Variants in JAKMIP1 observed in about 807,000 individuals in gnomAD.
The protein encoded by JAKMIP1 is janus kinase and microtubule-interacting protein 1.
Under a neutral mutation model 113.0 loss-of-function variants are expected in JAKMIP1, and 33 were observed. The observed-to-expected ratio is 0.29, with a 90% CI of 0.22 to 0.39. The LOEUF (loss-of-function observed/expected upper bound fraction) is 0.39. Among genes scored for constraint, JAKMIP1 ranks in the 10% least tolerant of loss-of-function variants. The probability of loss-of-function intolerance (pLI) is 1.00; values close to 1 mark genes in which losing one functional copy is unlikely to be tolerated. For missense variants in JAKMIP1, 813 were observed against 1,080.5 expected, an observed-to-expected ratio of 0.75 and a Z score of 3.47; for synonymous variants, 480 against 459.9, an observed-to-expected ratio of 1.04 and a Z score of -0.56.
rs1725632870 is a variant in JAKMIP1, at chr4:6,178,383, G to A, written c.-148+21870C>T. On this transcript the variant is annotated intron_variant, in intron 1 of 20. Coordinates refer to ENST00000409021, the MANE Select transcript of JAKMIP1 (RefSeq NM_001099433.2). This position sits in a 1 kb window ranked among gnomAD's most constrained non-coding sequence, Gnocchi z 5.5. Reference sequence around the variant, plus strand: ...CTCTCGGGAGGTAATTGAATCATGGGGGCAGTTTACCCCATACTATTCTCA... The same window carrying A: ...CTCTCGGGAGGTAATTGAATCATGGAGGCAGTTTACCCCATACTATTCTCA... Among the ~76,000 whole-genome samples the A allele has an allele frequency of 6.6e-6, 1 of 152,150 alleles. No individual in the cohort carries two copies. Among genetic ancestry groups the A allele is most frequent in the Non-Finnish European group, 1.5e-5 (1 of 68,032 alleles).
chr4:6,075,812 C>T (rs1719618714), intron 8 of JAKMIP1, among the ~76,000 whole-genome samples: 1 of 152,232 alleles, frequency 6.6e-6, no homozygotes, highest in Non-Finnish European at 1.5e-5. Context: ...GCCTGTTGTA[C>T]AGGCAATGTA....
At chr4:6,126,694 C>G (rs943775693) in intron 1 of JAKMIP1, among the ~76,000 whole-genome samples, 1 of 146,868 alleles carries the variant, frequency 6.8e-6, no homozygotes, top group South Asian at 2.2e-4. Context: ...CATACACCAC[C>G]CACAAGCATG....
In JAKMIP1 at chr4:6,065,132, A is replaced by C; in HGVS notation, c.1303-124T>G. 8.3e-7 allele frequency: 1 copy of C among 1,203,862 alleles called. No individual in the cohort carries two copies. The highest frequency in any genetic ancestry group is 2.3e-5 in the East Asian group (1 of 42,694). 74.6% of individuals were successfully genotyped at this position (1,203,862 alleles called of 1,614,324 possible). ...GACATTTGGGCCACTGGGGCATCAC[A>C]AGATGCGGTTGGTGGGCTTCGTAAC... On this transcript the variant is annotated intron_variant, in intron 8 of 20. Coordinates refer to ENST00000409021, the MANE Select transcript of JAKMIP1 (RefSeq NM_001099433.2). This position sits in a 1 kb window ranked among gnomAD's most constrained non-coding sequence, Gnocchi z 5.1.
At position 6,192,521 on chromosome 4, in the gene JAKMIP1, C is replaced by T. The variant is rs1727388376; in HGVS notation, c.-148+7732G>A. Among the ~76,000 whole-genome samples, 1 of 152,172 alleles carries T rather than the reference C, an allele frequency of 6.6e-6. No individual in the cohort carries two copies. The highest frequency in any genetic ancestry group is 2.1e-4 in the South Asian group (1 of 4,812). On this transcript the variant is annotated intron_variant, in intron 1 of 20. Coordinates refer to ENST00000409021, the MANE Select transcript of JAKMIP1 (RefSeq NM_001099433.2). The surrounding 1 kb of genome is among the most constrained non-coding windows in gnomAD (Gnocchi z 5.0). ...TTTTGGTCTACATCCAAAACCAACCCCAAGAGATAGGGACATTCTCTTTAT... is the reference window on the plus strand; with the variant it reads ...TTTTGGTCTACATCCAAAACCAACCTCAAGAGATAGGGACATTCTCTTTAT...
chr4:6,141,764 A>G lies in JAKMIP1; in HGVS notation c.-147-28767T>C, dbSNP rs1044211127. ...TGGCCCCAGGACACTGATGCCGAGG[A>G]TGCTGACTGTCCACTCTTCGGCAAC... On this transcript the variant is annotated intron_variant, in intron 1 of 20. Transcript: ENST00000409021. This position sits in a 1 kb window ranked among gnomAD's most constrained non-coding sequence, Gnocchi z 9.4. Among the ~76,000 whole-genome samples the G allele has an allele frequency of 6.6e-6, 1 of 152,198 alleles. No homozygotes were observed. The highest frequency in any genetic ancestry group is 1.5e-5 in the Non-Finnish European group (1 of 68,040).
chr4:6,150,585 C>G lies in JAKMIP1; in HGVS notation c.-147-37588G>C, dbSNP rs541934631. 4.6e-5 allele frequency: 7 copies of G among 152,268 alleles called. No individual in the cohort carries two copies. Among genetic ancestry groups the G allele is most frequent in the Non-Finnish European group, 1.0e-4 (7 of 68,098 alleles). The allele number at this position is 152,268 out of a possible 1,614,324, so 9.4% of individuals were successfully genotyped here. The stretch of plus-strand genomic sequence containing the variant: ...CGGAGGCAGCTCCCACGGCGCTCAA[C>G]GGACTCCTGACCTTCATGAACAGAC... On this transcript the variant is annotated intron_variant, in intron 1 of 20. Coordinates refer to ENST00000409021, the MANE Select transcript of JAKMIP1 (RefSeq NM_001099433.2). This position sits in a 1 kb window ranked among gnomAD's most constrained non-coding sequence, Gnocchi z 4.8.
At chr4:6,043,737 A>C (rs1578072292) in intron 16 of JAKMIP1, among the ~76,000 whole-genome samples, 2 of 79,026 alleles carry the variant, frequency 2.5e-5, no homozygotes, top group Non-Finnish European at 4.8e-5. Context: ...CTCCCCACAC[A>C]CCCCAAATTC....
rs934208938 is a variant in JAKMIP1 at position 6,178,046 on chromosome 4, T to A, written c.-148+22207A>T. On this transcript the variant is annotated intron_variant, in intron 1 of 20. Coordinates refer to ENST00000409021, the MANE Select transcript of JAKMIP1 (RefSeq NM_001099433.2). The surrounding 1 kb of genome is among the most constrained non-coding windows in gnomAD (Gnocchi z 5.5). ...ATGACTCCTCCCTTTCCACTTCCTG[T>A]CCAGCCCCTAACCCCGCCTCGTTGG... 6.6e-6 allele frequency among the ~76,000 whole-genome samples: 1 copy of A among 152,200 alleles called. No individual in the cohort carries two copies. The highest frequency in any genetic ancestry group is 1.5e-5 in the Non-Finnish European group (1 of 68,028).
At chr4:6,029,619 GAC>G in intron 20 of JAKMIP1, 95 bp downstream of exon 20, 1 of 803,044 alleles carries the variant, frequency 1.2e-6, no homozygotes, top group Non-Finnish European at 2.1e-6. Flanking sequence ...GAGGGCTGGA[GAC>G]AGAGTCTATG....
rs761721228 is a variant in JAKMIP1 at position 6,050,668 on chromosome 4, C to CCT, written c.1816_1817dup (p.Arg607GlyfsTer33). ...TTTGGAGGTTAAATGCTGGCGACCT[C>CCT]CTCTCTCTCTCCTGGGGAAAAGATT... On this transcript the variant is annotated frameshift_variant, in exon 14 of 21. Transcript: ENST00000409021. LOFTEE classifies it high-confidence loss of function. The surrounding 1 kb of genome is among the most constrained non-coding windows in gnomAD (Gnocchi z 7.4). 6.4e-7 allele frequency: 1 copy of CCT among 1,560,614 alleles called. No individual in the cohort carries two copies. Among genetic ancestry groups the CCT allele is most frequent in the Non-Finnish European group, 8.7e-7 (1 of 1,151,466 alleles).
rs905032287 is a variant in JAKMIP1 at position 6,200,415 on chromosome 4, A to C, written c.-310T>G. 6.6e-6 allele frequency: 1 copy of C among 152,092 alleles called. No individual in the cohort carries two copies. The highest frequency in any genetic ancestry group is 1.5e-5 in the Non-Finnish European group (1 of 67,898). 9.4% of individuals were successfully genotyped at this position (152,092 alleles called of 1,614,324 possible). A position where few individuals can be genotyped will look rare whatever the true frequency, so the allele number is the denominator to read the frequency against. On this transcript the variant is annotated 5_prime_UTR_variant, in exon 1 of 21. Coordinates refer to ENST00000409021, the MANE Select transcript of JAKMIP1 (RefSeq NM_001099433.2). The surrounding 1 kb of genome is among the most constrained non-coding windows in gnomAD (Gnocchi z 7.0). ...AACGGAACAGAAAATGAATGCATGC[A>C]CAAAAAAAATCGTAAAAAGCAATTG...
Position 6,185,413 on chromosome 4 carries a change from C to T in JAKMIP1, c.-148+14840G>A, listed in dbSNP as rs913114327. 1.3e-5 allele frequency among the ~76,000 whole-genome samples: 2 copies of T among 151,856 alleles called. No individual in the cohort carries two copies. Among genetic ancestry groups the T allele is most frequent in the Admixed American group, 6.6e-5 (1 of 15,234 alleles). ...CTGTAATCCCAGCACTTTGGGAGGC[C>T]GAGGTGGGCGGATCATGAGGTCAGG... On this transcript the variant is annotated intron_variant, in intron 1 of 20. Coordinates refer to ENST00000409021, the MANE Select transcript of JAKMIP1 (RefSeq NM_001099433.2). The surrounding 1 kb of genome is among the most constrained non-coding windows in gnomAD (Gnocchi z 5.3).
At position 6,139,514 on chromosome 4, in the gene JAKMIP1, C is replaced by A. The variant is rs1264078020; in HGVS notation, c.-147-26517G>T. 2.0e-5 allele frequency among the ~76,000 whole-genome samples: 3 copies of A among 152,020 alleles called. No homozygotes were observed. The highest frequency in any genetic ancestry group is 4.4e-5 in the Non-Finnish European group (3 of 68,028). On this transcript the variant is annotated intron_variant, in intron 1 of 20. Transcript: ENST00000409021. This position sits in a 1 kb window ranked among gnomAD's most constrained non-coding sequence, Gnocchi z 5.2. The stretch of plus-strand genomic sequence containing the variant: ...TGGTCGTGGTGGCTCACGCCTGTAA[C>A]CCCAGCACTTTGGGAGGCTGAGGCA...
chr4:6,049,012 T>C lies in JAKMIP1; in HGVS notation c.1963-90A>G. The stretch of plus-strand genomic sequence containing the variant: ...CACCAAGCAAGTTTTTTTTTTTCGT[T>C]GTTGTTGTTTGTTTTATTATGTTTG... On this transcript the variant is annotated intron_variant, in intron 15 of 20. Coordinates refer to ENST00000409021, the MANE Select transcript of JAKMIP1 (RefSeq NM_001099433.2). The surrounding 1 kb of genome is among the most constrained non-coding windows in gnomAD (Gnocchi z 7.0). 2.2e-6 allele frequency: 2 copies of C among 917,204 alleles called. No homozygotes were observed. Among genetic ancestry groups the C allele is most frequent in the African/African-American group, 1.7e-5 (1 of 60,434 alleles). 56.8% of individuals were successfully genotyped at this position (917,204 alleles called of 1,614,324 possible). A position where few individuals can be genotyped will look rare whatever the true frequency, so the allele number is the denominator to read the frequency against.
chr4:6,106,535 CT>C lies in JAKMIP1; in HGVS notation c.130-569del, dbSNP rs1325030750. Among the ~76,000 whole-genome samples, 1 of 142,588 alleles carries C rather than the reference CT, an allele frequency of 7.0e-6. No homozygotes were observed. Among genetic ancestry groups the C allele is most frequent in the East Asian group, 1.9e-4 (1 of 5,160 alleles). The allele number at this position is 142,588 out of a possible 152,430, so 93.5% of individuals were successfully genotyped here. A position where few individuals can be genotyped will look rare whatever the true frequency, so the allele number is the denominator to read the frequency against. On this transcript the variant is annotated intron_variant, in intron 2 of 20. Coordinates refer to ENST00000409021, the MANE Select transcript of JAKMIP1 (RefSeq NM_001099433.2). This position sits in a 1 kb window ranked among gnomAD's most constrained non-coding sequence, Gnocchi z 5.9. ...TAGCGTGCTCCCTCTCTTTCTCCCT[CT>C]CTCCTCTCTCTCTCTCTCTCTTCCT...
chr4:6,115,383 C>T (rs1442664175), intron 1 of JAKMIP1, among the ~76,000 whole-genome samples: 1 of 152,224 alleles, frequency 6.6e-6, no homozygotes, highest in Non-Finnish European at 1.5e-5. Context: ...GCACCCCAGC[C>T]TGGGAGACTC....
intron 18 of JAKMIP1, among the ~76,000 whole-genome samples, chr4:6,037,934 T>A: frequency 3.2e-5 from 3 of 93,276 alleles, no homozygotes; most frequent in East Asian, 3.5e-4. Context: ...CCTCCATCAC[T>A]GAGTCAGAGG....
intron 1 of JAKMIP1, among the ~76,000 whole-genome samples, chr4:6,172,175 T>C (rs948459090): frequency 1.3e-5 from 2 of 152,234 alleles, no homozygotes; most frequent in East Asian, 1.9e-4. Context: ...CAGATTTCTC[T>C]GGTCTGACTT....
intron 8 of JAKMIP1, among the ~76,000 whole-genome samples, chr4:6,075,575 C>A (rs1005083621): frequency 6.6e-6 from 1 of 152,218 alleles, no homozygotes; most frequent in Non-Finnish European, 1.5e-5. Flanking sequence ...AAAGTTTCTA[C>A]ACAGATCCCC....
Sources: allele counts gnomAD v4.1 joint callset (sites outside exome capture counted in the v4.1 genomes callset), GRCh38; gene constraint gnomAD v4.1.1; non-coding constraint Gnocchi (gnomAD v3.1); transcripts MANE v1.5; gene names NCBI Gene and HGNC (gene_info 2026-07-23, HGNC 2026-07-21).